Variants in PVALB observed in about 807,000 individuals in gnomAD.
PVALB encodes the protein parvalbumin alpha.
In PVALB, 11 loss-of-function variants were observed where a neutral mutation model predicts 10.9. The ratio of observed to expected loss-of-function variants is 1.01; its 90% confidence interval spans 0.63 to 1.67. The LOEUF (loss-of-function observed/expected upper bound fraction) is 1.67, where lower values mean the gene tolerates loss of function less well. PVALB is among the 40% of genes most tolerant of loss of function. The probability of loss-of-function intolerance (pLI) is 0.00; values close to 1 mark genes in which losing one functional copy is unlikely to be tolerated. For synonymous variants in PVALB, 57 were observed against 50.7 expected (o/e 1.12, Z -0.53); for missense variants, 131 against 136.2 (o/e 0.96, Z 0.19).
chr22:36,815,039 G>A, intron 2 of PVALB, 64 bp downstream of exon 2: 1 of 1,593,396 alleles, frequency 6.3e-7, no homozygotes, highest in Admixed American at 1.7e-5. Flanking sequence ...GGAAGCTAGA[G>A]TCCCAGCCCC....
intron 3 of PVALB, among the ~76,000 whole-genome samples, chr22:36,808,318 C>T (rs930968946): frequency 3.3e-5 from 5 of 152,178 alleles, no homozygotes; most frequent in East Asian, 1.9e-4. Flanking sequence ...ATGCTAACCT[C>T]GATTCCTGTT....
intron 3 of PVALB, among the ~76,000 whole-genome samples, chr22:36,804,762 C>T (rs189265731): frequency 1.3e-5 from 2 of 152,110 alleles, no homozygotes; most frequent in South Asian, 2.1e-4. Flanking sequence ...GGTGAAACCT[C>T]GTCTCTACTA....
At chr22:36,802,603 C>CACA (rs1222848851) in intron 3 of PVALB, among the ~76,000 whole-genome samples, 1,496 of 27,800 alleles carry the variant, frequency 0.054, 22 homozygotes, top group Non-Finnish European at 0.092. Context: ...CCATCTCACA[C>CACA]AAAAAAAAAA....
At chr22:36,807,792 A>G (rs962213064) in intron 3 of PVALB, among the ~76,000 whole-genome samples, 1 of 152,138 alleles carries the variant, frequency 6.6e-6, no homozygotes, top group African/African-American at 2.4e-5. Flanking sequence ...CCAAGGCCTT[A>G]CGCTACCACT....
chr22:36,802,603 CAAA>C (rs60843863), intron 3 of PVALB, among the ~76,000 whole-genome samples: 1 of 27,794 alleles, frequency 3.6e-5, no homozygotes, highest in Non-Finnish European at 7.4e-5. Context: ...CCATCTCACA[CAAA>C]AAAAAAAAAA....
intron 3 of PVALB, 145 bp downstream of exon 3, chr22:36,813,501 T>C: frequency 1.5e-6 from 1 of 671,024 alleles, no homozygotes; most frequent in East Asian, 2.6e-5. Context: ...CTCTCAGACC[T>C]AATGGACTGC....
chr22:36,801,931 G>C lies in PVALB; in HGVS notation c.305-1013C>G, dbSNP rs573552018. Among the ~76,000 whole-genome samples, 7 of 152,294 alleles carry C rather than the reference G, an allele frequency of 4.6e-5. No homozygotes were observed. In the South Asian group the frequency reaches 1.5e-3, roughly 32 times the overall value. On this transcript the variant is annotated intron_variant, in intron 3 of 3. Transcript: ENST00000417718. The stretch of plus-strand genomic sequence containing the variant: ...ATTTGCTGGAAAATGTATCTCTCTG[G>C]GTTTTGGTTCCCTCATCTGTCAGTG...
chr22:36,819,245 A>G (rs935400385), upstream of PVALB, among the ~76,000 whole-genome samples: 6 of 152,108 alleles, frequency 3.9e-5, no homozygotes, highest in Non-Finnish European at 7.4e-5. Flanking sequence ...AGGCCACACC[A>G]GGAGTCTGGG....
rs751152166 is a variant in PVALB at position 36,800,888 on chromosome 22, T to C, written c.*2A>G. Reference sequence around the variant, plus strand: ...TGGAAGACCAGGGGCAGTCAGTGCTTCTTAGCTTTCAGCCACCAGAGTGGA... The same window carrying C: ...TGGAAGACCAGGGGCAGTCAGTGCTCCTTAGCTTTCAGCCACCAGAGTGGA... On this transcript the variant is annotated 3_prime_UTR_variant, in exon 4 of 4. Transcript: ENST00000417718. The C allele has an allele frequency of 6.2e-7, 1 of 1,610,536 alleles. No individual in the cohort carries two copies. Among genetic ancestry groups the C allele is most frequent in the Non-Finnish European group, 8.5e-7 (1 of 1,176,868 alleles).
intron 3 of PVALB, among the ~76,000 whole-genome samples, chr22:36,812,363 T>C (rs1939059563): frequency 1.3e-5 from 2 of 152,088 alleles, no homozygotes; most frequent in African/African-American, 4.8e-5. Flanking sequence ...AATCCCTAGT[T>C]TTAAGTTTTA....
intron 3 of PVALB, among the ~76,000 whole-genome samples, chr22:36,806,428 C>T (rs1156841069): frequency 1.3e-5 from 2 of 152,066 alleles, no homozygotes; most frequent in Middle Eastern, 3.2e-3. Context: ...AGTCCAAGGC[C>T]GCGGGGATTG....
intron 3 of PVALB, among the ~76,000 whole-genome samples, chr22:36,802,623 A>AG (rs753770692): frequency 4.5e-4 from 54 of 119,118 alleles, no homozygotes; most frequent in South Asian, 7.9e-4. Context: ...AAAAAAAAAA[A>AG]AAAGAAAGAA....
upstream of PVALB, among the ~76,000 whole-genome samples, chr22:36,819,011 G>A (rs1601526548): frequency 6.6e-6 from 1 of 152,234 alleles, no homozygotes; most frequent in South Asian, 2.1e-4. Flanking sequence ...CTGCTGCTGA[G>A]TTCTCCTATC....
At chr22:36,801,884 C>T (rs1938871015) in intron 3 of PVALB, among the ~76,000 whole-genome samples, 1 of 152,196 alleles carries the variant, frequency 6.6e-6, no homozygotes, top group South Asian at 2.1e-4. Flanking sequence ...AAAGTTAGGG[C>T]TTCCAGGCTT....
chr22:36,802,958 C>T (rs11913972), intron 3 of PVALB, among the ~76,000 whole-genome samples: 5,755 of 152,266 alleles, frequency 0.038, 355 homozygotes, highest in African/African-American at 0.13. Context: ...CAGCCAGGAG[C>T]CTGTGATCTT....
chr22:36,806,977 G>A (rs1569091039), intron 3 of PVALB, among the ~76,000 whole-genome samples: 1 of 152,136 alleles, frequency 6.6e-6, no homozygotes, highest in Non-Finnish European at 1.5e-5. Context: ...GCATGGAGGG[G>A]AATGTCTTTT....
intron 2 of PVALB, 103 bp from the exon 3 acceptor site, chr22:36,813,858 G>T: frequency 1.1e-6 from 1 of 876,718 alleles, no homozygotes; most frequent in Non-Finnish European, 1.9e-6. Context: ...GAAAGGGATG[G>T]CTGGGACAGG....
chr22:36,816,851 T>G (rs1939146983), intron 1 of PVALB, 94 bp downstream of exon 1: 1 of 1,136,458 alleles, frequency 8.8e-7, no homozygotes, highest in Non-Finnish European at 1.2e-6. Context: ...AGAAGCGCGC[T>G]GGGGAGGATC....
At chr22:36,807,207 C>T (rs533217787) in intron 3 of PVALB, among the ~76,000 whole-genome samples, 60 of 152,244 alleles carry the variant, frequency 3.9e-4, no homozygotes, top group Middle Eastern at 3.4e-3. Context: ...GACCCGGGTC[C>T]CGTTGGGCCA....
Sources: gnomAD v4.1 joint callset for allele counts (sites outside exome capture counted in the v4.1 genomes callset) on GRCh38, gnomAD v4.1.1 for gene constraint, MANE v1.5 for transcripts, NCBI Gene and HGNC (gene_info 2026-07-23, HGNC 2026-07-21) for gene names.